SH3KBP1: variants seen among roughly 807,000 people sequenced by gnomAD.
SH3KBP1 encodes SH3 domain containing kinase binding protein 1, also known as SH3 domain-containing kinase-binding protein 1.
SH3KBP1 carries 8 observed loss-of-function variants against 50.1 expected under a neutral mutation model. That is an observed-to-expected ratio of 0.16 (90% CI 0.09 to 0.29). The LOEUF (loss-of-function observed/expected upper bound fraction) is 0.29, where lower values mean the gene tolerates loss of function less well. Among genes scored for constraint, SH3KBP1 ranks in the 10% least tolerant of loss-of-function variants. The pLI, the probability that SH3KBP1 is intolerant of heterozygous loss-of-function variation, is 1.00. For synonymous variants in SH3KBP1, 227 were observed against 218.6 expected, an observed-to-expected ratio of 1.04 and a Z score of -0.34; for missense variants, 377 against 535.2, an observed-to-expected ratio of 0.70 and a Z score of 2.92.
At chrX:19,777,698 T>C (rs2066022543) in intron 2 of SH3KBP1, among the ~76,000 whole-genome samples, 1 of 111,279 alleles carries the variant, frequency 9.0e-6, no homozygotes, top group Non-Finnish European at 1.9e-5. Flanking sequence ...AGCGCCTTAT[T>C]CTGCCTACTT....
chrX:19,650,419 G>A (rs2062094409), intron 6 of SH3KBP1, among the ~76,000 whole-genome samples: 1 of 111,912 alleles, frequency 8.9e-6, no homozygotes, highest in South Asian at 3.7e-4. Flanking sequence ...AAAGAGTGAC[G>A]TGGGGAAAAG....
intron 13 of SH3KBP1, among the ~76,000 whole-genome samples, chrX:19,560,004 G>C (rs1279570184): frequency 9.0e-6 from 1 of 111,119 alleles, no homozygotes; most frequent in Non-Finnish European, 1.9e-5. Flanking sequence ...GTATGCTCAT[G>C]AGCCAGGTGC....
chrX:19,816,021 A>G (rs2147306300), intron 2 of SH3KBP1, among the ~76,000 whole-genome samples: 1 of 112,563 alleles, frequency 8.9e-6, no homozygotes, highest in Admixed American at 9.4e-5. Context: ...ATGAGTGTCC[A>G]AAAGTATAAC....
chrX:19,668,463 T>C (rs940281451), intron 6 of SH3KBP1, among the ~76,000 whole-genome samples: 1 of 99,994 alleles, frequency 1.0e-5, no homozygotes, highest in African/African-American at 3.7e-5. Flanking sequence ...AGGGGTCTCA[T>C]AGAAAGTTTT....
At chrX:19,703,396 G>A (rs929833045) in intron 4 of SH3KBP1, among the ~76,000 whole-genome samples, 3 of 111,037 alleles carry the variant, frequency 2.7e-5, no homozygotes, top group South Asian at 3.8e-4. Context: ...AGGCGGGTGG[G>A]GGGCTGTAGA....
rs2064664242 is a variant in SH3KBP1, at chrX:19,534,589, G to A, written c.*1828C>T. ...CAGAAATGCTTATAACTGTCAAGGG[G>A]TACAGGGATGTTTTACGCTGCTCTT... On this transcript the variant is annotated 3_prime_UTR_variant, in exon 18 of 18. Coordinates refer to ENST00000397821, the MANE Select transcript of SH3KBP1 (RefSeq NM_031892.3). 1 of 258,281 alleles carries A rather than the reference G, an allele frequency of 3.9e-6. No homozygotes were observed. The highest frequency in any genetic ancestry group is 6.7e-5 in the Admixed American group (1 of 14,930). The allele number at this position is 258,281 out of a possible 1,213,427, so 21.3% of individuals were successfully genotyped here. A position where few individuals can be genotyped will look rare whatever the true frequency, so the allele number is the denominator to read the frequency against.
chrX:19,876,766 C>T (rs1007438484), intron 1 of SH3KBP1, among the ~76,000 whole-genome samples: 3 of 111,463 alleles, frequency 2.7e-5, no homozygotes. Flanking sequence ...GACTTTTTCC[C>T]GTAAACACTT....
At chrX:19,858,063 C>T (rs2068694784) in intron 1 of SH3KBP1, among the ~76,000 whole-genome samples, 1 of 110,186 alleles carries the variant, frequency 9.1e-6, no homozygotes, top group African/African-American at 3.3e-5. Flanking sequence ...CCTGTAATCC[C>T]AGCTACTCAG....
chrX:19,671,467 A>G (rs1419629710), intron 6 of SH3KBP1, among the ~76,000 whole-genome samples: 3 of 111,364 alleles, frequency 2.7e-5, no homozygotes, highest in African/African-American at 9.8e-5. Context: ...TAGGAAAAAT[A>G]CAGCAACATT....
chrX:19,818,932 G>C (rs2067439166), intron 2 of SH3KBP1, among the ~76,000 whole-genome samples: 2 of 111,775 alleles, frequency 1.8e-5, no homozygotes, highest in Non-Finnish European at 3.8e-5. Flanking sequence ...CTCATAAAAT[G>C]AATTGGGACA....
At chrX:19,696,661 TTG>T (rs1380403028) in intron 4 of SH3KBP1, among the ~76,000 whole-genome samples, 1 of 111,163 alleles carries the variant, frequency 9.0e-6, no homozygotes, top group African/African-American at 3.3e-5. Flanking sequence ...CGTAAAAAAA[TTG>T]GCCCTGGATT....
intron 1 of SH3KBP1, among the ~76,000 whole-genome samples, chrX:19,879,938 G>A (rs947047791): frequency 1.9e-4 from 21 of 112,163 alleles, no homozygotes; most frequent in Admixed American, 5.6e-4. Context: ...GTGGTGGTGC[G>A]GGGGGCGGCT....
intron 13 of SH3KBP1, among the ~76,000 whole-genome samples, chrX:19,565,895 C>T (rs1378384729): frequency 9.2e-6 from 1 of 108,538 alleles, no homozygotes; most frequent in Non-Finnish European, 1.9e-5. Context: ...GGACGTTTTA[C>T]ATTACAAAAT....
At chrX:19,588,864 G>A in intron 11 of SH3KBP1, 62 bp from the exon 12 acceptor site, 1 of 911,485 alleles carries the variant, frequency 1.1e-6, no homozygotes, top group Admixed American at 3.6e-5. Flanking sequence ...CTTAGATGCA[G>A]ATCACTCATT....
At chrX:19,774,706 G>GAAAGAA (rs2065918685) in intron 2 of SH3KBP1, among the ~76,000 whole-genome samples, 1 of 101,226 alleles carries the variant, frequency 9.9e-6, no homozygotes, top group Non-Finnish European at 2.0e-5. Flanking sequence ...AAGAAAGAAA[G>GAAAGAA]AAAGAAGAAA....
intron 9 of SH3KBP1, among the ~76,000 whole-genome samples, chrX:19,607,384 T>A (rs192545635): frequency 8.9e-6 from 1 of 112,670 alleles, no homozygotes; most frequent in East Asian, 2.8e-4. Context: ...GAGTGGCTGA[T>A]TTAAACAGTG....
At chrX:19,864,152 T>G (rs2068845756) in intron 1 of SH3KBP1, among the ~76,000 whole-genome samples, 1 of 111,406 alleles carries the variant, frequency 9.0e-6, no homozygotes, top group South Asian at 3.7e-4. Context: ...TCTGACAAAC[T>G]TCACAGTCTA....
rs773420193 is a variant in SH3KBP1 at position 19,645,626 on chromosome X, C to T, written c.727-151G>A. 9.1e-5 allele frequency: 40 copies of T among 437,405 alleles called. No individual in the cohort carries two copies. In the South Asian group the frequency reaches 1.6e-3, roughly 17 times the overall value. The allele number at this position is 437,405 out of a possible 1,213,427, so 36.0% of individuals were successfully genotyped here. ...GCCCTGCTCTGTATACTGGCTGCCC[C>T]CCTTTAATAGGTTTCATCCTCAATG... is the stretch of plus-strand genomic sequence containing the variant. On this transcript the variant is annotated intron_variant, in intron 6 of 17. Transcript: ENST00000397821.
chrX:19,564,361 AC>A (rs2065774140), intron 13 of SH3KBP1, among the ~76,000 whole-genome samples: 1 of 112,349 alleles, frequency 8.9e-6, no homozygotes, highest in African/African-American at 3.2e-5. Flanking sequence ...CATACAGAGT[AC>A]AGATTTAGAA....
Sources: gnomAD v4.1 joint callset for allele counts (sites outside exome capture counted in the v4.1 genomes callset) on GRCh38, gnomAD v4.1.1 for gene constraint, MANE v1.5 for transcripts, NCBI Gene and HGNC (gene_info 2026-07-23, HGNC 2026-07-21) for gene names.